RASGRF2: variants seen among roughly 807,000 people sequenced by gnomAD.
RASGRF2 encodes the protein Ras protein specific guanine nucleotide releasing factor 2, also known as ras-specific guanine nucleotide-releasing factor 2.
Under a neutral mutation model 151.0 loss-of-function variants are expected in RASGRF2, and 76 were observed. The observed-to-expected ratio is 0.50, with a 90% CI of 0.42 to 0.61. The LOEUF (loss-of-function observed/expected upper bound fraction) is 0.61. Among genes scored for constraint, RASGRF2 ranks in the 20% least tolerant of loss-of-function variants. The pLI, the probability that RASGRF2 is intolerant of heterozygous loss-of-function variation, is 0.00. For synonymous variants in RASGRF2, 504 were observed against 566.5 expected (o/e 0.89, Z 1.57); for missense variants, 1,148 against 1,564.6 (o/e 0.73, Z 4.49).
intron 5 of RASGRF2, among the ~76,000 whole-genome samples, chr5:81,079,400 A>G (rs1432480329): frequency 2.0e-5 from 3 of 152,230 alleles, no homozygotes; most frequent in Non-Finnish European, 4.4e-5. Flanking sequence ...TTGACTAATA[A>G]CAAGCCAAGG....
chr5:81,189,897 G>A (rs10036491), intron 18 of RASGRF2, among the ~76,000 whole-genome samples: 76,841 of 151,418 alleles, frequency 0.51, 19,882 homozygotes, highest in Middle Eastern at 0.66. Context: ...TATTTTTAGT[G>A]GAAACGGGGT....
intron 17 of RASGRF2, among the ~76,000 whole-genome samples, chr5:81,151,189 A>G (rs1251709390): frequency 6.6e-6 from 1 of 152,210 alleles, no homozygotes; most frequent in Non-Finnish European, 1.5e-5. Flanking sequence ...GACTAGATGT[A>G]CTTCAAAGAT....
intron 17 of RASGRF2, among the ~76,000 whole-genome samples, chr5:81,140,198 G>A (rs541986146): frequency 2.6e-5 from 4 of 152,138 alleles, no homozygotes; most frequent in East Asian, 3.9e-4. Flanking sequence ...GGTAATTCCC[G>A]AATAAAAGTA....
In RASGRF2 at chr5:81,035,966, A is replaced by G. The variant is rs551367871; in HGVS notation, c.289-6911A>G. ...TAAAAAGGAATATGGAGAAGAAATT[A>G]ATAACACAGAAAAACAACAACAATA... On this transcript the variant is annotated intron_variant, in intron 1 of 26. Transcript: ENST00000265080. Among the ~76,000 whole-genome samples the G allele has an allele frequency of 9.8e-5, 15 of 152,336 alleles. No homozygotes were observed. In the East Asian group the frequency reaches 2.9e-3, roughly 29 times the overall value.
intron 24 of RASGRF2, 114 bp downstream of exon 24, chr5:81,216,069 G>A: frequency 9.4e-7 from 1 of 1,068,424 alleles, no homozygotes. Context: ...AAAAATAAAT[G>A]GGAAACAACT....
intron 12 of RASGRF2, among the ~76,000 whole-genome samples, chr5:81,103,512 T>A (rs1038295565): frequency 1.5e-4 from 23 of 151,906 alleles, no homozygotes; most frequent in Admixed American, 1.4e-3. Context: ...AAAGAAAGAT[T>A]CAAGGGAATA....
intron 13 of RASGRF2, among the ~76,000 whole-genome samples, chr5:81,111,654 A>C (rs1464014119): frequency 6.6e-6 from 1 of 152,222 alleles, no homozygotes; most frequent in African/African-American, 2.4e-5. Context: ...TCAAATCAGG[A>C]ACTTAGAAAA....
At chr5:80,972,973 G>A (rs1017721760) in intron 1 of RASGRF2, among the ~76,000 whole-genome samples, 1 of 152,070 alleles carries the variant, frequency 6.6e-6, no homozygotes, top group African/African-American at 2.4e-5. Context: ...TATATGTATT[G>A]CAAGTATTTT....
At chr5:81,206,236 G>A (rs1010354354) in intron 19 of RASGRF2, among the ~76,000 whole-genome samples, 1 of 143,540 alleles carries the variant, frequency 7.0e-6, no homozygotes, top group African/African-American at 2.6e-5. Flanking sequence ...GATATTTATT[G>A]AGAGCTGAAT....
chr5:81,000,726 A>G (rs964796075), intron 1 of RASGRF2, among the ~76,000 whole-genome samples: 1 of 152,218 alleles, frequency 6.6e-6, no homozygotes, highest in African/African-American at 2.4e-5. Context: ...GTGTTTGAAT[A>G]CAGCGAGTTT....
In RASGRF2 at chr5:81,201,425, C is replaced by T. The variant is rs189681922; in HGVS notation, c.2889C>T (p.Ala963=). 86 of 1,613,700 alleles carry T rather than the reference C, an allele frequency of 5.3e-5. No homozygotes were observed. The highest frequency in any genetic ancestry group is 1.5e-4 in the Admixed American group (9 of 59,890). The change falls in exon 19 of 27, where the codon GCC becomes GCT. Residue 963 remains alanine, a synonymous_variant. Coordinates refer to ENST00000265080, the MANE Select transcript of RASGRF2 (RefSeq NM_006909.3). ...DPDLLPQERK[A]AANILRALSQ... The stretch of plus-strand genomic sequence containing the variant: ...ACCTTCTTCCCCAAGAAAGGAAAGC[C>T]GCCGCGAATATCCTCAGGTGAAGGC...
At chr5:81,125,044 C>T (rs1277688242) in intron 16 of RASGRF2, among the ~76,000 whole-genome samples, 4 of 152,118 alleles carry the variant, frequency 2.6e-5, no homozygotes, top group Non-Finnish European at 5.9e-5. Flanking sequence ...TGGGCCACCA[C>T]GCCCAGCAGT....
intron 13 of RASGRF2, 93 bp from the exon 14 acceptor site, chr5:81,112,517 C>T (rs1753024350): frequency 6.5e-7 from 1 of 1,528,344 alleles, no homozygotes; most frequent in Admixed American, 1.7e-5. Context: ...GAAGCCCACT[C>T]CTGAGTGTGT....
At chr5:80,986,598 G>C (rs753943612) in intron 1 of RASGRF2, among the ~76,000 whole-genome samples, 1 of 152,206 alleles carries the variant, frequency 6.6e-6, no homozygotes, top group Non-Finnish European at 1.5e-5. Flanking sequence ...AGTCTGAATT[G>C]CTCCATAGTG....
chr5:80,989,243 T>G (rs1243550093), intron 1 of RASGRF2, among the ~76,000 whole-genome samples: 1 of 152,188 alleles, frequency 6.6e-6, no homozygotes, highest in Non-Finnish European at 1.5e-5. Context: ...AGTGCTGGGA[T>G]TACAGGCATG....
intron 25 of RASGRF2, 24 bp downstream of exon 25, chr5:81,217,497 C>A: frequency 6.3e-7 from 1 of 1,590,216 alleles, no homozygotes; most frequent in Non-Finnish European, 8.6e-7. Context: ...CATAATTAGC[C>A]TGTTTCAATG....
At chr5:81,032,887 T>C (rs1750317906) in intron 1 of RASGRF2, among the ~76,000 whole-genome samples, 2 of 152,204 alleles carry the variant, frequency 1.3e-5, no homozygotes, top group African/African-American at 4.8e-5. Context: ...TGATTGTATA[T>C]TTAGAAAACC....
intron 12 of RASGRF2, among the ~76,000 whole-genome samples, chr5:81,097,248 A>G (rs1355987278): frequency 2.0e-5 from 3 of 152,170 alleles, no homozygotes; most frequent in African/African-American, 7.2e-5. Flanking sequence ...CGCGTGAGCC[A>G]CTGCACTCGG....
At position 81,219,789 on chromosome 5, in the gene RASGRF2, G is replaced by T. The variant is rs1351188939; in HGVS notation, c.3621+11G>T. On this transcript the variant is annotated intron_variant, in intron 26 of 26. Coordinates refer to ENST00000265080, the MANE Select transcript of RASGRF2 (RefSeq NM_006909.3). ...GATCATCAGCCAAAGGTAATATTATGTGGCTGTGAAGAAATTAATAAAGAA... is the reference window on the plus strand; with the variant it reads ...GATCATCAGCCAAAGGTAATATTATTTGGCTGTGAAGAAATTAATAAAGAA... 1 of 1,581,130 alleles carries T rather than the reference G, an allele frequency of 6.3e-7. No individual in the cohort carries two copies. The highest frequency in any genetic ancestry group is 8.7e-7 in the Non-Finnish European group (1 of 1,153,264).
Sources: gnomAD v4.1 joint callset for allele counts (sites outside exome capture counted in the v4.1 genomes callset) on GRCh38, gnomAD v4.1.1 for gene constraint, MANE v1.5 for transcripts, NCBI Gene and HGNC (gene_info 2026-07-23, HGNC 2026-07-21) for gene names.